The following PRKN variants were observed in gnomAD, a reference collection of about 807,000 sequenced individuals.
The protein encoded by PRKN is E3 ubiquitin-protein ligase parkin.
In PRKN, 56 loss-of-function variants were observed where a neutral mutation model predicts 59.5. That is an observed-to-expected ratio of 0.94 (90% confidence interval 0.76 to 1.18). PRKN has a LOEUF of 1.18. Among genes scored for constraint, PRKN ranks in the 50% most tolerant of loss-of-function variants. The pLI is 0.00. For missense variants in PRKN, 657 were observed against 596.4 expected, an observed-to-expected ratio of 1.10 and a Z score of -1.06; for synonymous variants, 250 against 222.1, an observed-to-expected ratio of 1.13 and a Z score of -1.12.
At chr6:162,055,183 A>AC (rs373756967) in intron 4 of PRKN, among the ~76,000 whole-genome samples, 125 of 152,274 alleles carry the variant, frequency 8.2e-4, no homozygotes, top group African/African-American at 2.9e-3. Context: ...AAATAAAGAA[A>AC]CAAAAAATCA....
At chr6:162,428,898 A>G (rs1789373320) in intron 2 of PRKN, among the ~76,000 whole-genome samples, 1 of 151,970 alleles carries the variant, frequency 6.6e-6, no homozygotes, top group African/African-American at 2.4e-5. Context: ...CTCTGGAATG[A>G]TTTTCTGCAG....
At chr6:162,549,691 T>A (rs1779257719) in intron 1 of PRKN, among the ~76,000 whole-genome samples, 1 of 149,740 alleles carries the variant, frequency 6.7e-6, no homozygotes, top group Admixed American at 6.7e-5. Context: ...CAGGCTGAAG[T>A]GCAGTGGTGC....
rs73595967 is a variant in PRKN, at chr6:162,607,040, G to A, written c.7+120622C>T. Among the ~76,000 whole-genome samples the A allele has an allele frequency of 8.9e-3, 1,331 of 149,568 alleles. 17 individuals are homozygous for A. Among genetic ancestry groups the A allele is most frequent in the African/African-American group, 0.03 (1,235 of 41,114 alleles). ...GTTATTTATTGAAACAAAAACACTGGAAGAAGACCCAGCTTGGGAGTGGGT... is the reference window on the plus strand; with the variant it reads ...GTTATTTATTGAAACAAAAACACTGAAAGAAGACCCAGCTTGGGAGTGGGT... On this transcript the variant is annotated intron_variant, in intron 1 of 11. Transcript: ENST00000366898.
At chr6:161,834,064 CA>C (rs2128219231) in intron 6 of PRKN, among the ~76,000 whole-genome samples, 1 of 152,212 alleles carries the variant, frequency 6.6e-6, no homozygotes, top group East Asian at 1.9e-4. Flanking sequence ...AAGACAGCGG[CA>C]CAGACATCGT....
intron 3 of PRKN, among the ~76,000 whole-genome samples, chr6:162,205,618 G>A (rs191599758): frequency 7.5e-4 from 114 of 152,062 alleles, no homozygotes; most frequent in Middle Eastern, 6.8e-3. Flanking sequence ...GGAACAGGAC[G>A]GATTTTAAGT....
intron 1 of PRKN, among the ~76,000 whole-genome samples, chr6:162,624,884 G>A (rs1782822567): frequency 2.6e-5 from 4 of 152,194 alleles, no homozygotes; most frequent in Admixed American, 2.6e-4. Flanking sequence ...CTGTGTAACT[G>A]AAGTGGAAAA....
At chr6:161,677,681 T>A (rs1230955585) in intron 7 of PRKN, among the ~76,000 whole-genome samples, 1 of 152,188 alleles carries the variant, frequency 6.6e-6, no homozygotes, top group East Asian at 1.9e-4. Flanking sequence ...GTGTTTATGA[T>A]CCTGAGGTTG....
At chr6:161,706,582 AGTATTCCAGGT>A (rs1786507155) in intron 7 of PRKN, among the ~76,000 whole-genome samples, 1 of 140,012 alleles carries the variant, frequency 7.1e-6, no homozygotes, top group Non-Finnish European at 1.6e-5. Flanking sequence ...CTGTGCTTGC[AGTATTCCAGGT>A]GACTTTTTTT....
intron 3 of PRKN, among the ~76,000 whole-genome samples, chr6:162,241,110 C>T (rs574843959): frequency 6.6e-6 from 1 of 152,280 alleles, no homozygotes; most frequent in African/African-American, 2.4e-5. Context: ...GTTATTCTGA[C>T]CCATTTTCCT....
chr6:161,632,790 C>G (rs1783364019), intron 7 of PRKN, among the ~76,000 whole-genome samples: 2 of 152,134 alleles, frequency 1.3e-5, no homozygotes, highest in African/African-American at 2.4e-5. Context: ...AGGAGAAGTA[C>G]AGAGCAAAGG....
In PRKN at chr6:161,551,738, G is replaced by A. The variant is rs9346866; in HGVS notation, c.934-2735C>T. Among the ~76,000 whole-genome samples the A allele has an allele frequency of 0.26, 39,230 of 152,052 alleles. 5,613 individuals carry two copies. The highest frequency in any genetic ancestry group is 0.62 in the East Asian group (3,176 of 5,164). On this transcript the variant is annotated intron_variant, in intron 8 of 11. Coordinates refer to ENST00000366898, the MANE Select transcript of PRKN (RefSeq NM_004562.3). This position sits in a 1 kb window ranked among gnomAD's most constrained non-coding sequence, Gnocchi z 5.2. The stretch of plus-strand genomic sequence containing the variant: ...TTGCCAGTAAAAGGGAGCAGAGATC[G>A]GGGAGGCCATTGGATAGGACTCTGG...
At chr6:161,981,495 C>A (rs1781255632) in intron 5 of PRKN, among the ~76,000 whole-genome samples, 1 of 152,068 alleles carries the variant, frequency 6.6e-6, no homozygotes, top group African/African-American at 2.4e-5. Flanking sequence ...GCAAGGGCAA[C>A]ATAGCAAGAC....
At chr6:161,977,540 TG>T (rs376222067) in intron 5 of PRKN, among the ~76,000 whole-genome samples, 5,316 of 100,266 alleles carry the variant, frequency 0.053, 453 homozygotes, top group African/African-American at 0.14. Context: ...TCTGTTTTTT[TG>T]GTTTTTTTTT....
chr6:161,879,953 T>C (rs923381175), intron 6 of PRKN, among the ~76,000 whole-genome samples: 1 of 152,134 alleles, frequency 6.6e-6, no homozygotes, highest in South Asian at 2.1e-4. Context: ...ACATTAGAAG[T>C]AGATGAAAAT....
chr6:161,683,574 C>A (rs1224725770), intron 7 of PRKN, among the ~76,000 whole-genome samples: 1 of 152,210 alleles, frequency 6.6e-6, no homozygotes, highest in South Asian at 2.1e-4. Flanking sequence ...ACCCATAGCG[C>A]TTGACAGGGC....
chr6:162,041,839 G>A (rs1444216806), intron 5 of PRKN, among the ~76,000 whole-genome samples: 1 of 152,086 alleles, frequency 6.6e-6, no homozygotes, highest in Non-Finnish European at 1.5e-5. Flanking sequence ...TCTATTATTT[G>A]CTTTCTTGGG....
Position 161,552,632 on chromosome 6 carries a change from T to C in PRKN, c.934-3629A>G, listed in dbSNP as rs567091556. ...AAAACTTTTTATTGTAAATATCACA[T>C]AGAATAAGCTTAATACATTATAAAG... is the stretch of plus-strand genomic sequence containing the variant. On this transcript the variant is annotated intron_variant, in intron 8 of 11. Transcript: ENST00000366898. The surrounding 1 kb of genome is among the most constrained non-coding windows in gnomAD (Gnocchi z 4.9). Among the ~76,000 whole-genome samples the C allele has an allele frequency of 5.3e-5, 8 of 151,992 alleles. No homozygotes were observed. In the South Asian group the frequency reaches 1.2e-3, roughly 24 times the overall value.
intron 5 of PRKN, among the ~76,000 whole-genome samples, chr6:162,005,667 T>C (rs551491715): frequency 2.2e-4 from 33 of 152,298 alleles, no homozygotes; most frequent in Admixed American, 7.2e-4. Context: ...AAAGCCTTCA[T>C]TCATGATAAA....
chr6:162,060,084 G>GA (rs1389757925), intron 4 of PRKN, among the ~76,000 whole-genome samples: 2 of 152,164 alleles, frequency 1.3e-5, no homozygotes, highest in African/African-American at 4.8e-5. Context: ...GCCCTTTATA[G>GA]AAAAAACTTG....
Sources: allele counts gnomAD v4.1 joint callset (sites outside exome capture counted in the v4.1 genomes callset), GRCh38; gene constraint gnomAD v4.1.1; non-coding constraint Gnocchi (gnomAD v3.1); transcripts MANE v1.5; gene names NCBI Gene and HGNC (gene_info 2026-07-23, HGNC 2026-07-21).